PDE4D: variants seen among roughly 807,000 people sequenced by gnomAD.
The protein encoded by PDE4D is 3',5'-cyclic-AMP phosphodiesterase 4D.
A neutral mutation model predicts 87.4 loss-of-function variants in PDE4D; 24 were observed. The ratio of observed to expected loss-of-function variants is 0.27; its 90% confidence interval spans 0.20 to 0.39. The LOEUF (loss-of-function observed/expected upper bound fraction) is 0.39. Among genes scored for constraint, PDE4D ranks in the 10% least tolerant of loss-of-function variants. The probability of loss-of-function intolerance (pLI) is 1.00; values close to 1 mark genes in which losing one functional copy is unlikely to be tolerated. For missense variants in PDE4D, 714 were observed against 1,041.0 expected (o/e 0.69, Z 4.32); for synonymous variants, 384 against 383.2 (o/e 1.00, Z -0.02).
chr5:59,360,957 A>G (rs1782117271), intron 1 of PDE4D, among the ~76,000 whole-genome samples: 2 of 152,206 alleles, frequency 1.3e-5, no homozygotes, highest in Admixed American at 6.6e-5. Flanking sequence ...GACTAAAACA[A>G]TCAATAAGAG....
intron 1 of PDE4D, among the ~76,000 whole-genome samples, chr5:60,299,063 C>A (rs116781781): frequency 6.6e-6 from 1 of 151,956 alleles, no homozygotes; most frequent in Non-Finnish European, 1.5e-5. Context: ...CAAGTGGAGT[C>A]GGAAATTTAA....
At chr5:59,209,530 A>C (rs1404164809) in intron 2 of PDE4D, among the ~76,000 whole-genome samples, 1 of 152,100 alleles carries the variant, frequency 6.6e-6, no homozygotes, top group Admixed American at 6.6e-5. Context: ...AACTAATCCA[A>C]ATATTTTCAG....
At chr5:59,652,530 A>ATACGAAAC (rs1561409221) in intron 1 of PDE4D, among the ~76,000 whole-genome samples, 1 of 152,206 alleles carries the variant, frequency 6.6e-6, no homozygotes, top group African/African-American at 2.4e-5. Context: ...CCTGCAAAAT[A>ATACGAAAC]TACGAAACTT....
At chr5:60,460,150 T>G in intron 1 of PDE4D, 2 of 1,597,954 alleles carry the variant, frequency 1.3e-6, no homozygotes, top group Non-Finnish European at 8.5e-7. Context: ...CCTGCTGGCT[T>G]TATTCTGCAT....
intron 1 of PDE4D, among the ~76,000 whole-genome samples, chr5:60,438,594 C>G (rs895787866): frequency 2.0e-5 from 3 of 151,944 alleles, no homozygotes; most frequent in Non-Finnish European, 4.4e-5. Flanking sequence ...CCTGAGTAAC[C>G]CAAGTCAGTC....
chr5:60,041,021 G>A (rs1328694837), intron 2 of PDE4D, among the ~76,000 whole-genome samples: 1 of 152,096 alleles, frequency 6.6e-6, no homozygotes, highest in Non-Finnish European at 1.5e-5. Context: ...CTCATGAAAG[G>A]CTCACTGATT....
chr5:59,733,191 T>A (rs1467975192), intron 1 of PDE4D, among the ~76,000 whole-genome samples: 1 of 152,098 alleles, frequency 6.6e-6, no homozygotes, highest in Non-Finnish European at 1.5e-5. Flanking sequence ...GGTGAGGTCT[T>A]GAGGGATGGA....
chr5:59,427,164 C>G (rs1795380925), intron 1 of PDE4D, among the ~76,000 whole-genome samples: 1 of 151,858 alleles, frequency 6.6e-6, no homozygotes, highest in Non-Finnish European at 1.5e-5. Context: ...AGCCAGTAAT[C>G]TAAAGTCAGT....
At chr5:60,184,123 T>C (rs1784594193) in intron 2 of PDE4D, among the ~76,000 whole-genome samples, 1 of 152,182 alleles carries the variant, frequency 6.6e-6, no homozygotes, top group South Asian at 2.1e-4. Context: ...CATCATTAAG[T>C]AGTCTCAGTT....
intron 1 of PDE4D, among the ~76,000 whole-genome samples, chr5:59,688,755 C>A (rs1319761707): frequency 1.3e-5 from 2 of 152,164 alleles, no homozygotes; most frequent in East Asian, 1.9e-4. Flanking sequence ...CACAAAAAAA[C>A]CCTTCAAAAA....
chr5:60,422,900 C>A (rs1440864920), intron 1 of PDE4D, among the ~76,000 whole-genome samples: 2 of 152,152 alleles, frequency 1.3e-5, no homozygotes, highest in Non-Finnish European at 2.9e-5. Context: ...CAATCCTGGT[C>A]TCTGACAAAA....
intron 1 of PDE4D, among the ~76,000 whole-genome samples, chr5:60,427,938 G>A (rs1743861668): frequency 6.6e-6 from 1 of 152,046 alleles, no homozygotes; most frequent in Non-Finnish European, 1.5e-5. Context: ...TTAACTAGGT[G>A]TGGTGGCACA....
intron 1 of PDE4D, among the ~76,000 whole-genome samples, chr5:60,458,453 T>C: frequency 6.6e-6 from 1 of 151,158 alleles, no homozygotes; most frequent in East Asian, 1.9e-4. Context: ...GCTTAAATTC[T>C]ATTCGCAGCA....
intron 8 of PDE4D, 149 bp from the exon 9 acceptor site, chr5:58,991,051 C>T (rs561741617): frequency 6.3e-5 from 36 of 568,160 alleles, no homozygotes; most frequent in East Asian, 2.9e-4. Context: ...GAGGCTGAGG[C>T]GGGCAGATCA....
intron 2 of PDE4D, among the ~76,000 whole-genome samples, chr5:60,046,676 T>C (rs1769301364): frequency 6.6e-6 from 1 of 152,236 alleles, no homozygotes; most frequent in Non-Finnish European, 1.5e-5. Context: ...CATTTATTGA[T>C]TTGCGTATAT....
intron 2 of PDE4D, among the ~76,000 whole-genome samples, chr5:59,213,303 GGCATGT>G (rs1750496783): frequency 2.6e-5 from 4 of 151,828 alleles, no homozygotes; most frequent in Admixed American, 2.6e-4. Context: ...TGGGACTAAA[GGCATGT>G]GCCACCATGC....
chr5:59,433,719 T>C (rs993069987), intron 1 of PDE4D, among the ~76,000 whole-genome samples: 4 of 151,914 alleles, frequency 2.6e-5, no homozygotes, highest in Admixed American at 6.6e-5. Context: ...AGGTATAGAG[T>C]CTAGCAAAAA....
intron 5 of PDE4D, among the ~76,000 whole-genome samples, chr5:59,078,446 T>C (rs779701970): frequency 2.0e-5 from 3 of 152,248 alleles, no homozygotes; most frequent in Non-Finnish European, 4.4e-5. Flanking sequence ...TTTGAATGTT[T>C]GTTCCATCCA....
chr5:59,204,462 G>T (rs1042643194), intron 2 of PDE4D, among the ~76,000 whole-genome samples: 1 of 152,178 alleles, frequency 6.6e-6, no homozygotes, highest in Non-Finnish European at 1.5e-5. Context: ...TGTTAGAAAT[G>T]ATACACCAAA....
Sources: allele counts gnomAD v4.1 joint callset (sites outside exome capture counted in the v4.1 genomes callset), GRCh38; gene constraint gnomAD v4.1.1; transcripts MANE v1.5; gene names NCBI Gene and HGNC (gene_info 2026-07-23, HGNC 2026-07-21).